CHD9: variants seen among roughly 807,000 people sequenced by gnomAD.
CHD9 encodes the protein ATP-dependent chromatin remodeler CHD9.
CHD9 carries 77 observed loss-of-function variants against 316.1 expected under a neutral mutation model. The observed-to-expected ratio is 0.24, with a 90% confidence interval of 0.20 to 0.29. The LOEUF (loss-of-function observed/expected upper bound fraction) is 0.29, where lower values mean the gene tolerates loss of function less well. Ranked by LOEUF, CHD9 falls within the 10% of genes least tolerant of loss-of-function variation. The pLI is 1.00. For missense variants in CHD9, 2,763 were observed against 3,438.1 expected (o/e 0.80, Z 4.91); for synonymous variants, 1,129 against 1,158.3 (o/e 0.97, Z 0.51).
At chr16:53,263,918 C>T (rs1439886178) in intron 20 of CHD9, among the ~76,000 whole-genome samples, 6 of 151,788 alleles carry the variant, frequency 4.0e-5, no homozygotes, top group African/African-American at 7.3e-5. Flanking sequence ...TATAAAAGTT[C>T]GTAAGTGAGT....
At chr16:53,227,006 C>T (rs185517082) in intron 5 of CHD9, 30 of 212,416 alleles carry the variant, frequency 1.4e-4, no homozygotes, top group Admixed American at 1.1e-3. Context: ...TTTAAGTCCC[C>T]CTTATATGCA....
At chr16:53,092,626 T>C (rs2036046523) in intron 1 of CHD9, among the ~76,000 whole-genome samples, 1 of 152,160 alleles carries the variant, frequency 6.6e-6, no homozygotes, top group Admixed American at 6.5e-5. Context: ...TCTGTGTCTG[T>C]TACGTGTAAC....
At chr16:53,111,384 C>CA (rs955017640) in intron 1 of CHD9, among the ~76,000 whole-genome samples, 1 of 151,088 alleles carries the variant, frequency 6.6e-6, no homozygotes, top group Non-Finnish European at 1.5e-5. Context: ...GTTCTTCTGC[C>CA]AAAAAAGAAA....
intron 4 of CHD9, among the ~76,000 whole-genome samples, chr16:53,224,518 T>C (rs1365249285): frequency 6.6e-6 from 1 of 152,192 alleles, no homozygotes; most frequent in Non-Finnish European, 1.5e-5. Context: ...CTTCATTCTA[T>C]CTGAGTGCAC....
chr16:53,132,844 T>G (rs1201395271), intron 1 of CHD9, among the ~76,000 whole-genome samples: 1 of 142,456 alleles, frequency 7.0e-6, no homozygotes, highest in Non-Finnish European at 1.5e-5. Flanking sequence ...AGTCTCGCTC[T>G]GTCACCCAGG....
chr16:53,180,128 T>A (rs1273115784), intron 2 of CHD9, among the ~76,000 whole-genome samples: 2 of 147,360 alleles, frequency 1.4e-5, no homozygotes, highest in Non-Finnish European at 3.0e-5. Flanking sequence ...AGCCTCAGCC[T>A]CCCGAGTAGC....
At chr16:53,204,058 T>C (rs12922946) in intron 2 of CHD9, among the ~76,000 whole-genome samples, 162 of 62,982 alleles carry the variant, frequency 2.6e-3, no homozygotes, top group East Asian at 0.011. Context: ...AATATATATA[T>C]ACACACACAC....
chr16:53,236,856 G>A (rs994472677), intron 11 of CHD9, among the ~76,000 whole-genome samples: 1 of 151,774 alleles, frequency 6.6e-6, no homozygotes, highest in African/African-American at 2.4e-5. Context: ...TAGTCTGCTG[G>A]TTCTTCCTCT....
chr16:53,193,953 AAAATTACG>A lies in CHD9; in HGVS notation c.1453-15528_1453-15521del, dbSNP rs1295719016. Among the ~76,000 whole-genome samples, 9 of 152,366 alleles carry A rather than the reference AAAATTACG, an allele frequency of 5.9e-5. No homozygotes were observed. The East Asian group carries it at 1.7e-3, about 29-fold the overall frequency. Reference sequence around the variant, plus strand: ...GTTATAAAACAAATATTACTGTTGTAAAATTACGTAGAGTAAAAGTGATATCTAAAAGT... The same window carrying A: ...GTTATAAAACAAATATTACTGTTGTATAGAGTAAAAGTGATATCTAAAAGT... On this transcript the variant is annotated intron_variant, in intron 2 of 38. Coordinates refer to ENST00000447540, the MANE Select transcript of CHD9 (RefSeq NM_001308319.2).
intron 20 of CHD9, among the ~76,000 whole-genome samples, chr16:53,266,831 C>T (rs533760758): frequency 1.6e-4 from 24 of 152,150 alleles, no homozygotes; most frequent in Non-Finnish European, 3.1e-4. Context: ...TTTTGGAAAG[C>T]GCTGTAAAAT....
intron 2 of CHD9, among the ~76,000 whole-genome samples, chr16:53,203,203 A>G (rs554528604): frequency 2.0e-5 from 3 of 152,248 alleles, no homozygotes; most frequent in South Asian, 2.1e-4. Flanking sequence ...ACTAAAAACC[A>G]GTACACCAGC....
chr16:53,193,266 G>A (rs1324023489), intron 2 of CHD9, among the ~76,000 whole-genome samples: 1 of 152,042 alleles, frequency 6.6e-6, no homozygotes, highest in Non-Finnish European at 1.5e-5. Flanking sequence ...GGCTGACACG[G>A]TGAAACCCTG....
At chr16:53,214,909 A>G (rs1214015680) in intron 3 of CHD9, among the ~76,000 whole-genome samples, 1 of 133,286 alleles carries the variant, frequency 7.5e-6, no homozygotes, top group African/African-American at 2.9e-5. Flanking sequence ...AAAAAACAAT[A>G]TATATCTTTT....
chr16:53,296,178 G>T (rs2054768513), intron 29 of CHD9, among the ~76,000 whole-genome samples: 1 of 151,998 alleles, frequency 6.6e-6, no homozygotes, highest in South Asian at 2.1e-4. Context: ...TATCTTCTAT[G>T]CTCTCCTGAA....
At chr16:53,305,922 C>T (rs2055923891) in intron 31 of CHD9, among the ~76,000 whole-genome samples, 1 of 152,138 alleles carries the variant, frequency 6.6e-6, no homozygotes, top group Non-Finnish European at 1.5e-5. Flanking sequence ...AATCAGGAAT[C>T]ATTTTAAAAA....
chr16:53,191,212 C>G (rs1016192230), intron 2 of CHD9, among the ~76,000 whole-genome samples: 1 of 151,980 alleles, frequency 6.6e-6, no homozygotes, highest in Admixed American at 6.6e-5. Flanking sequence ...CTACTTTTTT[C>G]TTTATGGCTT....
At chr16:53,160,325 T>TA (rs2041822741) in intron 2 of CHD9, among the ~76,000 whole-genome samples, 2 of 152,214 alleles carry the variant, frequency 1.3e-5, no homozygotes, top group Non-Finnish European at 2.9e-5. Context: ...TCCCGGGCTT[T>TA]AAAAAGTAGT....
intron 34 of CHD9, chr16:53,310,884 TAATA>T (rs1304869453): frequency 1.3e-4 from 19 of 147,740 alleles, no homozygotes; most frequent in African/African-American, 4.5e-4. Context: ...ATAATAATAA[TAATA>T]ATATCAATAG....
chr16:53,208,339 A>G (rs1207530901), intron 2 of CHD9: 1 of 1,280,682 alleles, frequency 7.8e-7, no homozygotes. Flanking sequence ...GAAGAGGCCA[A>G]GAGGAAGGGT....
Sources: gnomAD v4.1 joint callset for allele counts (sites outside exome capture counted in the v4.1 genomes callset) on GRCh38, gnomAD v4.1.1 for gene constraint, MANE v1.5 for transcripts, NCBI Gene and HGNC (gene_info 2026-07-23, HGNC 2026-07-21) for gene names.